The following PEX14 variants were observed in gnomAD, a reference collection of about 807,000 sequenced individuals.
The protein encoded by PEX14 is peroxisomal membrane protein PEX14.
In PEX14, 15 loss-of-function variants were observed where a neutral mutation model predicts 49.5. That is an observed-to-expected ratio of 0.30 (90% confidence interval 0.20 to 0.47). The LOEUF (loss-of-function observed/expected upper bound fraction) is 0.47. PEX14 is among the 20% of genes least tolerant of loss of function. The pLI is 1.00. For synonymous variants in PEX14, 210 were observed against 212.7 expected (o/e 0.99, Z 0.11); for missense variants, 398 against 494.8 (o/e 0.80, Z 1.86).
intron 3 of PEX14, among the ~76,000 whole-genome samples, chr1:10,594,766 C>A (rs1274866893): frequency 6.6e-6 from 1 of 152,154 alleles, no homozygotes; most frequent in African/African-American, 2.4e-5. Flanking sequence ...AAAAGACAGC[C>A]CTTCCGGGTC....
At chr1:10,498,049 G>A (rs1641600661) in intron 2 of PEX14, among the ~76,000 whole-genome samples, 1 of 152,198 alleles carries the variant, frequency 6.6e-6, no homozygotes, top group African/African-American at 2.4e-5. Context: ...GGAGGCCAAG[G>A]TCGGGGGATC....
At chr1:10,511,182 C>T (rs1394844621) in intron 2 of PEX14, among the ~76,000 whole-genome samples, 1 of 152,232 alleles carries the variant, frequency 6.6e-6, no homozygotes, top group Non-Finnish European at 1.5e-5. Flanking sequence ...ACTGTCATTT[C>T]ATAAAATGCC....
chr1:10,500,849 G>T (rs977188339), intron 2 of PEX14, among the ~76,000 whole-genome samples: 1 of 152,132 alleles, frequency 6.6e-6, no homozygotes, highest in East Asian at 1.9e-4. Context: ...TGCTGGGATT[G>T]CAGGCATGAG....
chr1:10,508,709 C>T (rs1486474831), intron 2 of PEX14, among the ~76,000 whole-genome samples: 2 of 152,170 alleles, frequency 1.3e-5, no homozygotes, highest in South Asian at 2.1e-4. Context: ...GCAGTCCACA[C>T]GGGGAAGCAA....
chr1:10,537,867 A>G (rs538153217), intron 3 of PEX14, among the ~76,000 whole-genome samples: 2 of 152,166 alleles, frequency 1.3e-5, no homozygotes, highest in Non-Finnish European at 2.9e-5. Context: ...AAAAAGAGAG[A>G]GAGAAACTCT....
intron 2 of PEX14, among the ~76,000 whole-genome samples, chr1:10,531,857 C>G (rs916494331): frequency 6.6e-6 from 1 of 152,150 alleles, no homozygotes; most frequent in Non-Finnish European, 1.5e-5. Flanking sequence ...TAGGCAGGCT[C>G]TGTCCTCCTG....
In PEX14 at chr1:10,561,946, T is replaced by C. The variant is rs1331193181; in HGVS notation, c.169+25649T>C. On this transcript the variant is annotated intron_variant, in intron 3 of 8. Transcript: ENST00000356607. ...TATTATTGTCATTTTTCTTCCTTTT[T>C]ACCCGAGACAAGGTCTCACTCTGGC... Among the ~76,000 whole-genome samples the C allele has an allele frequency of 2.6e-5, 4 of 152,224 alleles. No homozygotes were observed. In the East Asian group the frequency reaches 5.8e-4, roughly 22 times the overall value.
At chr1:10,618,198 T>C in intron 4 of PEX14, 134 bp from the exon 5 acceptor site, 1 of 694,372 alleles carries the variant, frequency 1.4e-6, no homozygotes, top group Non-Finnish European at 2.6e-6. Context: ...ATGTGCTGCC[T>C]TCCTGCGTTG....
chr1:10,580,794 A>G (rs1223540508), intron 3 of PEX14, among the ~76,000 whole-genome samples: 1 of 150,060 alleles, frequency 6.7e-6, no homozygotes. Flanking sequence ...TTTTTTTTTC[A>G]GTGCATTATT....
intron 3 of PEX14, among the ~76,000 whole-genome samples, chr1:10,583,373 T>C (rs1367128135): frequency 6.7e-6 from 1 of 149,558 alleles, no homozygotes; most frequent in East Asian, 2.1e-4. Flanking sequence ...ATATACACCA[T>C]TGCACCCAGC....
In PEX14 at chr1:10,501,431, G is replaced by A. The variant is rs896575928; in HGVS notation, c.84+6110G>A. Among the ~76,000 whole-genome samples the A allele has an allele frequency of 3.9e-5, 6 of 152,150 alleles. No homozygotes were observed. The East Asian group carries it at 7.8e-4, about 20-fold the overall frequency. ...TGCCATTCTCCTGCCTCAGCCTCCC[G>A]AGTAGCTGGGACTACAGGCGCCCGC... On this transcript the variant is annotated intron_variant, in intron 2 of 8. Coordinates refer to ENST00000356607, the MANE Select transcript of PEX14 (RefSeq NM_004565.3).
rs562474113 is a variant in PEX14, at chr1:10,543,956, C to T, written c.169+7659C>T. On this transcript the variant is annotated intron_variant, in intron 3 of 8. Transcript: ENST00000356607. ...GTTTACTCTCGGCTCTGTATTGAAACTGACTTGGCCTGGCAATAATAAGAC... is the reference window on the plus strand; with the variant it reads ...GTTTACTCTCGGCTCTGTATTGAAATTGACTTGGCCTGGCAATAATAAGAC... Among the ~76,000 whole-genome samples the T allele has an allele frequency of 3.3e-5, 5 of 152,306 alleles. No homozygotes were observed. In the East Asian group the frequency reaches 9.6e-4, roughly 29 times the overall value.
intron 1 of PEX14, among the ~76,000 whole-genome samples, chr1:10,477,670 A>G (rs1489334373): frequency 6.6e-6 from 1 of 152,146 alleles, no homozygotes; most frequent in Non-Finnish European, 1.5e-5. Context: ...AAGGTGAATA[A>G]CCTTCTCTTC....
chr1:10,606,831 T>TA (rs903993092), intron 4 of PEX14, among the ~76,000 whole-genome samples: 16 of 152,098 alleles, frequency 1.1e-4, no homozygotes, highest in African/African-American at 3.4e-4. Context: ...AGCTCTTTTT[T>TA]AAAAAAAATT....
intron 4 of PEX14, among the ~76,000 whole-genome samples, chr1:10,605,312 TG>T (rs947815765): frequency 2.0e-5 from 3 of 152,148 alleles, no homozygotes; most frequent in Non-Finnish European, 4.4e-5. Flanking sequence ...AAGTAGGGGA[TG>T]GGACCCACCT....
chr1:10,479,393 CAG>C (rs1266290421), intron 1 of PEX14, among the ~76,000 whole-genome samples: 1 of 151,856 alleles, frequency 6.6e-6, no homozygotes, highest in African/African-American at 2.4e-5. Context: ...GGGGAAGAGA[CAG>C]AGAGAGAGAA....
At chr1:10,593,695 G>A (rs1234256127) in intron 3 of PEX14, among the ~76,000 whole-genome samples, 1 of 151,978 alleles carries the variant, frequency 6.6e-6, no homozygotes, top group Non-Finnish European at 1.5e-5. Context: ...GGGGGCTGGG[G>A]GAGGGGATAA....
chr1:10,585,122 G>C (rs1270041355), intron 3 of PEX14, among the ~76,000 whole-genome samples: 1 of 152,172 alleles, frequency 6.6e-6, no homozygotes, highest in Non-Finnish European at 1.5e-5. Context: ...CTTAATTGAG[G>C]ATCTCCCATT....
At chr1:10,531,878 G>T (rs1394136479) in intron 2 of PEX14, among the ~76,000 whole-genome samples, 1 of 152,092 alleles carries the variant, frequency 6.6e-6, no homozygotes, top group Non-Finnish European at 1.5e-5. Context: ...TCCCCCTCGT[G>T]CAGAAAATAA....
Sources: allele counts gnomAD v4.1 joint callset (sites outside exome capture counted in the v4.1 genomes callset), GRCh38; gene constraint gnomAD v4.1.1; transcripts MANE v1.5; gene names NCBI Gene and HGNC (gene_info 2026-07-23, HGNC 2026-07-21).